The following PIANP variants were observed in gnomAD, a reference collection of about 807,000 sequenced individuals.
PIANP encodes PILR alpha-associated neural protein.
Under a neutral mutation model 28.9 loss-of-function variants are expected in PIANP, and 14 were observed. That is an observed-to-expected ratio of 0.49 (90% confidence interval 0.32 to 0.76). The LOEUF is 0.76. PIANP is among the 30% of genes least tolerant of loss of function. PIANP has a pLI of 0.03. For synonymous variants in PIANP, 149 were observed against 156.6 expected, an observed-to-expected ratio of 0.95 and a Z score of 0.36; for missense variants, 322 against 371.8, an observed-to-expected ratio of 0.87 and a Z score of 1.10.
Position 6,696,982 on chromosome 12 carries a change from C to T in PIANP, c.523+305G>A, listed in dbSNP as rs1176743564. ...TCTTTTCAAGGGCCAGCTCAAATGT[C>T]AGTTCTCTGAAGGTGTCCTGATCCC... is the stretch of plus-strand genomic sequence containing the variant. On this transcript the variant is annotated intron_variant, in intron 3 of 4. Coordinates refer to ENST00000534837, the MANE Select transcript of PIANP (RefSeq NM_001244014.2). The surrounding 1 kb of genome is among the most constrained non-coding windows in gnomAD (Gnocchi z 4.0). Among the ~76,000 whole-genome samples the T allele has an allele frequency of 6.6e-6, 1 of 152,178 alleles. No homozygotes were observed. Among genetic ancestry groups the T allele is most frequent in the Non-Finnish European group, 1.5e-5 (1 of 68,036 alleles).
Position 6,695,246 on chromosome 12 carries a change from G to A in PIANP, c.*180C>T. On this transcript the variant is annotated 3_prime_UTR_variant, in exon 5 of 5. Transcript: ENST00000534837. This position sits in a 1 kb window ranked among gnomAD's most constrained non-coding sequence, Gnocchi z 4.2. ...GCAGAGAATAGGACACAGATCCTGA[G>A]AGACTGGGAGAAGGAAGGGTGCCTC... is the stretch of plus-strand genomic sequence containing the variant. The A allele has an allele frequency of 7.1e-7, 1 of 1,404,924 alleles. No homozygotes were observed. The highest frequency in any genetic ancestry group is 9.3e-7 in the Non-Finnish European group (1 of 1,072,726). 87.0% of individuals were successfully genotyped at this position (1,404,924 alleles called of 1,614,324 possible). A position where few individuals can be genotyped will look rare whatever the true frequency, so the allele number is the denominator to read the frequency against.
rs1959889935 is a variant in PIANP, at chr12:6,697,172, A to G, written c.523+115T>C. ...CTTTATCTCTGCATCCTGTGCCAGT[A>G]TAGTGCCTGACACATTTGTTGAAGG... On this transcript the variant is annotated intron_variant, in intron 3 of 4. Coordinates refer to ENST00000534837, the MANE Select transcript of PIANP (RefSeq NM_001244014.2). This position sits in a 1 kb window ranked among gnomAD's most constrained non-coding sequence, Gnocchi z 6.9. The G allele has an allele frequency of 3.5e-6, 5 of 1,416,070 alleles. No individual in the cohort carries two copies. 87.7% of individuals were successfully genotyped at this position (1,416,070 alleles called of 1,614,324 possible). A position where few individuals can be genotyped will look rare whatever the true frequency, so the allele number is the denominator to read the frequency against.
Position 6,696,133 on chromosome 12 carries a change from G to A in PIANP, c.605+310C>T, listed in dbSNP as rs560461843. On this transcript the variant is annotated intron_variant, in intron 4 of 4. Coordinates refer to ENST00000534837, the MANE Select transcript of PIANP (RefSeq NM_001244014.2). This position sits in a 1 kb window ranked among gnomAD's most constrained non-coding sequence, Gnocchi z 4.0. ...GCTCCCCCCAGGCAACCCTAAGAAG[G>A]GCTCTGCAGACTGGGTCAGCTTTCT... Among the ~76,000 whole-genome samples the A allele has an allele frequency of 1.1e-4, 16 of 152,246 alleles. No individual in the cohort carries two copies. Among genetic ancestry groups the A allele is most frequent in the African/African-American group, 3.9e-4 (16 of 41,546 alleles).
In PIANP at chr12:6,695,110, A is replaced by G; in HGVS notation, c.*316T>C. ...CAGGAACCAAGGGGTAGGCCAGAAT[A>G]GAAGGGGAAGTTCAAGACAAAGAGG... On this transcript the variant is annotated 3_prime_UTR_variant, in exon 5 of 5. Transcript: ENST00000534837. This position sits in a 1 kb window ranked among gnomAD's most constrained non-coding sequence, Gnocchi z 4.2. 2.6e-6 allele frequency: 4 copies of G among 1,548,270 alleles called. No individual in the cohort carries two copies. The highest frequency in any genetic ancestry group is 1.2e-5 in the South Asian group (1 of 82,962).
At chr12:6,699,777 G>A (rs1299931957) in intron 1 of PIANP, among the ~76,000 whole-genome samples, 1 of 152,096 alleles carries the variant, frequency 6.6e-6, no homozygotes, top group African/African-American at 2.4e-5. Flanking sequence ...AAGCAGAGGC[G>A]GGAGCAGCAA....
In PIANP at chr12:6,695,628, C is replaced by G; in HGVS notation, c.629G>C (p.Arg210Pro). The G allele has an allele frequency of 6.5e-7, 1 of 1,538,326 alleles. No homozygotes were observed. The highest frequency in any genetic ancestry group is 8.8e-7 in the Non-Finnish European group (1 of 1,141,266). Residue 210 changes from arginine (R) to proline (P), a missense_variant, in exon 5 of 5, where the codon CGC (arginine) becomes CCC (proline). Physicochemically the swap from Arg to Pro is moderately radical, Grantham distance 103. Coordinates refer to ENST00000534837, the MANE Select transcript of PIANP (RefSeq NM_001244014.2). This position sits in a 1 kb window ranked among gnomAD's most constrained non-coding sequence, Gnocchi z 4.2. ...GGCACCTTGCTGCCCTGAGGGTCTG[C>G]GTCGCTTCTGGCTGCGGTCCCAGCT... is the stretch of plus-strand genomic sequence containing the variant. ...KFCWDRSQKR[R>P]RPSGQQGALR...
downstream of PIANP, among the ~76,000 whole-genome samples, chr12:6,693,501 T>G (rs1959747519): frequency 6.6e-6 from 1 of 152,180 alleles, no homozygotes; most frequent in Admixed American, 6.5e-5. Flanking sequence ...CATGTAACTT[T>G]CCTTTTCTTC....
rs1381089001 is a variant in PIANP at position 6,700,372 on chromosome 12, C to G, written c.-44+242G>C. 1 of 152,290 alleles carries G rather than the reference C, an allele frequency of 6.6e-6. No individual in the cohort carries two copies. The highest frequency in any genetic ancestry group is 2.4e-5 in the African/African-American group (1 of 41,420). 9.4% of individuals were successfully genotyped at this position (152,290 alleles called of 1,614,324 possible). ...GAAGCAGGAGACTGCGCGGAGCCGC[C>G]CGCCGAGCCGAGGCGGGATGGAGGC... On this transcript the variant is annotated intron_variant, in intron 1 of 4. Transcript: ENST00000534837. This position sits in a 1 kb window ranked among gnomAD's most constrained non-coding sequence, Gnocchi z 5.5.
At chr12:6,698,458 G>A (rs1295069019) in intron 1 of PIANP, 6 of 276,964 alleles carry the variant, frequency 2.2e-5, no homozygotes, top group South Asian at 1.2e-4. Context: ...AGCACCTACC[G>A]CTAGGGAGGG....
chr12:6,695,124 A>C lies in PIANP; in HGVS notation c.*302T>G, dbSNP rs1959810871. On this transcript the variant is annotated 3_prime_UTR_variant, in exon 5 of 5. Transcript: ENST00000534837. The surrounding 1 kb of genome is among the most constrained non-coding windows in gnomAD (Gnocchi z 4.2). Reference sequence around the variant, plus strand: ...TAGGCCAGAATAGAAGGGGAAGTTCAAGACAAAGAGGGGGAATCAAGGTTA... The same window carrying C: ...TAGGCCAGAATAGAAGGGGAAGTTCCAGACAAAGAGGGGGAATCAAGGTTA... 1.3e-6 allele frequency: 2 copies of C among 1,531,018 alleles called. No homozygotes were observed. The highest frequency in any genetic ancestry group is 1.8e-6 in the Non-Finnish European group (2 of 1,138,246). 94.8% of individuals were successfully genotyped at this position (1,531,018 alleles called of 1,614,324 possible). A position where few individuals can be genotyped will look rare whatever the true frequency, so the allele number is the denominator to read the frequency against.
At chr12:6,699,244 C>G (rs1959975129) in intron 1 of PIANP, among the ~76,000 whole-genome samples, 1 of 151,928 alleles carries the variant, frequency 6.6e-6, no homozygotes, top group South Asian at 2.1e-4. Flanking sequence ...GACTCCGACT[C>G]AAAAAATAAA....
At position 6,695,057 on chromosome 12, in the gene PIANP, C is replaced by A. The variant is rs746029049; in HGVS notation, c.*369G>T. ...GGCATCACAGATTCACCAGGGGAATCCTGAGAGGAAGAGGGAAAGGGCACA... is the reference window on the plus strand; with the variant it reads ...GGCATCACAGATTCACCAGGGGAATACTGAGAGGAAGAGGGAAAGGGCACA... On this transcript the variant is annotated 3_prime_UTR_variant, in exon 5 of 5. Transcript: ENST00000534837. This position sits in a 1 kb window ranked among gnomAD's most constrained non-coding sequence, Gnocchi z 4.2. The A allele has an allele frequency of 1.1e-5, 17 of 1,575,090 alleles. No homozygotes were observed. The highest frequency in any genetic ancestry group is 1.5e-5 in the Non-Finnish European group (17 of 1,159,848).
At position 6,697,097 on chromosome 12, in the gene PIANP, A is replaced by T. The variant is rs1338625329; in HGVS notation, c.523+190T>A. Among the ~76,000 whole-genome samples, 5 of 152,188 alleles carry T rather than the reference A, an allele frequency of 3.3e-5. No homozygotes were observed. The highest frequency in any genetic ancestry group is 1.2e-4 in the African/African-American group (5 of 41,438). ...CATTTATTACGATGACTCCTCTCCA[A>T]GTCCTTTCATGTCTGTCTGCTCCAG... On this transcript the variant is annotated intron_variant, in intron 3 of 4. Coordinates refer to ENST00000534837, the MANE Select transcript of PIANP (RefSeq NM_001244014.2). This position sits in a 1 kb window ranked among gnomAD's most constrained non-coding sequence, Gnocchi z 6.9.
At position 6,696,592 on chromosome 12, in the gene PIANP, G is replaced by A; in HGVS notation, c.524-68C>T. ...TAGGAGCCAAGAGGGGCTGGGGGCT[G>A]GGCTGTGGGCTCTGTCGGCTGGAGT... On this transcript the variant is annotated intron_variant, in intron 3 of 4. Coordinates refer to ENST00000534837, the MANE Select transcript of PIANP (RefSeq NM_001244014.2). The surrounding 1 kb of genome is among the most constrained non-coding windows in gnomAD (Gnocchi z 4.0). 2 of 1,144,786 alleles carry A rather than the reference G, an allele frequency of 1.7e-6. No individual in the cohort carries two copies. Among genetic ancestry groups the A allele is most frequent in the Non-Finnish European group, 2.4e-6 (2 of 830,396 alleles). The allele number at this position is 1,144,786 out of a possible 1,614,324, so 70.9% of individuals were successfully genotyped here.
chr12:6,697,530 C>A lies in PIANP; in HGVS notation c.280G>T (p.Glu94Ter). Reference sequence around the variant, plus strand: ...TATTGGGATGAGGGCGGCCCCTCCTCAAAGCCTGATGGGGTGGCTGGGGGT... The same window carrying A: ...TATTGGGATGAGGGCGGCCCCTCCTAAAAGCCTGATGGGGTGGCTGGGGGT... ...TAPPATPSGFEEGPPSSQYPW... is the reference protein window; with the variant it reads ...TAPPATPSGF The change falls in exon 3 of 5, where the codon GAG (glutamate) becomes TAG (stop). Residue 94 changes from glutamate (E) to a stop codon, truncating the protein, a stop_gained. Transcript: ENST00000534837. LOFTEE classifies it high-confidence loss of function. The surrounding 1 kb of genome is among the most constrained non-coding windows in gnomAD (Gnocchi z 6.9). The A allele has an allele frequency of 6.2e-7, 1 of 1,611,280 alleles. No individual in the cohort carries two copies. The highest frequency in any genetic ancestry group is 8.5e-7 in the Non-Finnish European group (1 of 1,178,714).
chr12:6,697,180 T>C lies in PIANP; in HGVS notation c.523+107A>G, dbSNP rs150551657. On this transcript the variant is annotated intron_variant, in intron 3 of 4. Transcript: ENST00000534837. The surrounding 1 kb of genome is among the most constrained non-coding windows in gnomAD (Gnocchi z 6.9). ...CTGCATCCTGTGCCAGTATAGTGCC[T>C]GACACATTTGTTGAAGGAGCTAACA... The C allele has an allele frequency of 7.3e-4, 1,076 of 1,477,564 alleles. 3 individuals are homozygous for C. The highest frequency in any genetic ancestry group is 3.8e-3 in the East Asian group (158 of 41,208). The allele number at this position is 1,477,564 out of a possible 1,614,324, so 91.5% of individuals were successfully genotyped here. A position where few individuals can be genotyped will look rare whatever the true frequency, so the allele number is the denominator to read the frequency against.
rs1724206486 is a variant in PIANP, at chr12:6,695,905, ATCCCC to A, written c.606-259_606-255del. On this transcript the variant is annotated intron_variant, in intron 4 of 4. Coordinates refer to ENST00000534837, the MANE Select transcript of PIANP (RefSeq NM_001244014.2). The surrounding 1 kb of genome is among the most constrained non-coding windows in gnomAD (Gnocchi z 4.2). The stretch of plus-strand genomic sequence containing the variant: ...CCTGATCCAGATCGACAAAATTAAT[ATCCCC>A]TCCCCACCACCACAATGTCCTCTCC... Among the ~76,000 whole-genome samples, 1 of 151,990 alleles carries A rather than the reference ATCCCC, an allele frequency of 6.6e-6. No homozygotes were observed. The highest frequency in any genetic ancestry group is 2.4e-5 in the African/African-American group (1 of 41,360).
chr12:6,694,974 T>C lies in PIANP; in HGVS notation c.*452A>G. On this transcript the variant is annotated 3_prime_UTR_variant, in exon 5 of 5. Transcript: ENST00000534837. This position sits in a 1 kb window ranked among gnomAD's most constrained non-coding sequence, Gnocchi z 6.1. The stretch of plus-strand genomic sequence containing the variant: ...CTCCCCACAGCTGCCCCACCCTCAG[T>C]GGGATGGGGGCTGTGCCGGCCCCTT... 1 of 1,499,040 alleles carries C rather than the reference T, an allele frequency of 6.7e-7. No individual in the cohort carries two copies. Among genetic ancestry groups the C allele is most frequent in the Non-Finnish European group, 8.9e-7 (1 of 1,117,562 alleles). 92.9% of individuals were successfully genotyped at this position (1,499,040 alleles called of 1,614,324 possible).
At chr12:6,698,368 CCTT>C (rs1174771557) in intron 1 of PIANP, 7 of 511,586 alleles carry the variant, frequency 1.4e-5, no homozygotes, top group East Asian at 3.6e-5. Context: ...CTCTGATTTC[CCTT>C]CTTCTCACTT....
Sources: gnomAD v4.1 joint callset for allele counts (sites outside exome capture counted in the v4.1 genomes callset) on GRCh38, gnomAD v4.1.1 for gene constraint, Gnocchi (gnomAD v3.1) non-coding constraint, MANE v1.5 for transcripts, NCBI Gene and HGNC (gene_info 2026-07-23, HGNC 2026-07-21) for gene names.